The following NEK7 variants were observed in gnomAD, a reference collection of about 807,000 sequenced individuals.
NEK7 encodes the protein NIMA related kinase 7, also known as serine/threonine-protein kinase Nek7.
A neutral mutation model predicts 44.6 loss-of-function variants in NEK7; 18 were observed. That is an observed-to-expected ratio of 0.40 (90% CI 0.28 to 0.60). The LOEUF is 0.60. NEK7 is among the 20% of genes least tolerant of loss of function. NEK7 has a pLI of 0.38. For missense variants in NEK7, 256 were observed against 366.5 expected, an observed-to-expected ratio of 0.70 and a Z score of 2.46; for synonymous variants, 130 against 121.1, an observed-to-expected ratio of 1.07 and a Z score of -0.48.
At chr1:198,217,060 T>C (rs1485102764) in intron 1 of NEK7, among the ~76,000 whole-genome samples, 2 of 152,052 alleles carry the variant, frequency 1.3e-5, no homozygotes. Context: ...CTGAAACTAT[T>C]TCTAAAGATT....
Position 198,238,993 on chromosome 1 carries a change from C to T in NEK7, c.57+6356C>T, listed in dbSNP as rs145362674. 6.3e-3 allele frequency among the ~76,000 whole-genome samples: 957 copies of T among 152,246 alleles called. 19 individuals carry two copies. Among genetic ancestry groups the T allele is most frequent in the African/African-American group, 0.022 (895 of 41,532 alleles). ...CTCATGTTTAGGCATTTTCAGTGTT[C>T]TCTTGATTTTGCCGCTTAAGTAGCT... On this transcript the variant is annotated intron_variant, in intron 2 of 9. Transcript: ENST00000367385.
At chr1:198,301,475 A>G (rs937334182) in intron 9 of NEK7, among the ~76,000 whole-genome samples, 16 of 152,226 alleles carry the variant, frequency 1.1e-4, no homozygotes, top group African/African-American at 2.4e-4. Context: ...GCGTGAACCC[A>G]GGAGGCAGAA....
At chr1:198,315,168 G>A (rs1571625975) in intron 9 of NEK7, among the ~76,000 whole-genome samples, 1 of 152,202 alleles carries the variant, frequency 6.6e-6, no homozygotes, top group African/African-American at 2.4e-5. Context: ...TCGGAAAAGC[G>A]CAGTATTCAG....
At chr1:198,213,973 C>T (rs1002817930) in intron 1 of NEK7, among the ~76,000 whole-genome samples, 1 of 152,026 alleles carries the variant, frequency 6.6e-6, no homozygotes, top group Non-Finnish European at 1.5e-5. Context: ...TTCATGAGAC[C>T]TCTGCTATTC....
chr1:198,184,334 A>G (rs1369623382), intron 1 of NEK7, among the ~76,000 whole-genome samples: 1 of 151,670 alleles, frequency 6.6e-6, no homozygotes, highest in African/African-American at 2.4e-5. Flanking sequence ...TTGAAGGGGT[A>G]GATTTACAGT....
intron 1 of NEK7, among the ~76,000 whole-genome samples, chr1:198,203,004 C>CA (rs1484041768): frequency 6.7e-6 from 1 of 148,298 alleles, no homozygotes. Flanking sequence ...CTAGAATTGA[C>CA]ATATTTGAAT....
chr1:198,310,288 G>A (rs547544088), intron 9 of NEK7, among the ~76,000 whole-genome samples: 3 of 152,098 alleles, frequency 2.0e-5, no homozygotes, highest in African/African-American at 4.8e-5. Flanking sequence ...TTTTGATGGC[G>A]TTGTTTGTTT....
chr1:198,165,448 C>T (rs1664236600), intron 1 of NEK7, among the ~76,000 whole-genome samples: 1 of 152,156 alleles, frequency 6.6e-6, no homozygotes, highest in Non-Finnish European at 1.5e-5. Flanking sequence ...GATGTTGTGT[C>T]AGTAGGCATG....
intron 1 of NEK7, among the ~76,000 whole-genome samples, chr1:198,182,932 G>A (rs1571508288): frequency 6.6e-6 from 1 of 152,118 alleles, no homozygotes. Context: ...CCATAGTATA[G>A]GCCTTCTACA....
intron 1 of NEK7, among the ~76,000 whole-genome samples, chr1:198,208,856 G>A (rs1665676197): frequency 6.6e-6 from 1 of 152,026 alleles, no homozygotes; most frequent in South Asian, 2.1e-4. Flanking sequence ...TGTAAGAAAC[G>A]CCATATAGCC....
At chr1:198,199,358 C>T (rs1466791409) in intron 1 of NEK7, among the ~76,000 whole-genome samples, 2 of 152,228 alleles carry the variant, frequency 1.3e-5, no homozygotes, top group Non-Finnish European at 2.9e-5. Context: ...TGTGAGCCAT[C>T]ACTCCCTGCA....
intron 1 of NEK7, among the ~76,000 whole-genome samples, chr1:198,227,912 C>CT (rs1666275421): frequency 6.6e-6 from 1 of 152,070 alleles, no homozygotes. Flanking sequence ...GTTGCCATTG[C>CT]TTTTGGTGTT....
chr1:198,275,918 A>G (rs114504874), intron 5 of NEK7, among the ~76,000 whole-genome samples: 14 of 151,800 alleles, frequency 9.2e-5, no homozygotes, highest in African/African-American at 3.1e-4. Context: ...ACACACATTA[A>G]AAATAATGAG....
At chr1:198,189,727 C>T (rs1462801127) in intron 1 of NEK7, among the ~76,000 whole-genome samples, 2 of 152,094 alleles carry the variant, frequency 1.3e-5, no homozygotes, top group African/African-American at 4.8e-5. Flanking sequence ...TTCATTCCTT[C>T]TGGGGCTGCT....
intron 1 of NEK7, among the ~76,000 whole-genome samples, chr1:198,184,767 G>A (rs67153943): frequency 0.15 from 22,633 of 152,056 alleles, 1,862 homozygotes; most frequent in East Asian, 0.22. Context: ...CTCCAGGGCT[G>A]AAGTGGTCCT....
chr1:198,311,541 T>G (rs1345778861), intron 9 of NEK7, among the ~76,000 whole-genome samples: 2 of 151,564 alleles, frequency 1.3e-5, no homozygotes. Context: ...TGCTTCCAGT[T>G]TTTGCCCATT....
intron 2 of NEK7, among the ~76,000 whole-genome samples, chr1:198,246,673 T>G (rs1666844576): frequency 6.6e-6 from 1 of 152,252 alleles, no homozygotes; most frequent in South Asian, 2.1e-4. Context: ...CCAAAACACA[T>G]TAGTAAGACT....
chr1:198,181,030 GTTTTCCTAT>G (rs1407655423), intron 1 of NEK7, among the ~76,000 whole-genome samples: 1 of 152,002 alleles, frequency 6.6e-6, no homozygotes, highest in Non-Finnish European at 1.5e-5. Context: ...ATTTTCTATA[GTTTTCCTAT>G]TAACTTTAAA....
chr1:198,229,411 T>G (rs1666321663), intron 1 of NEK7, among the ~76,000 whole-genome samples: 1 of 152,086 alleles, frequency 6.6e-6, no homozygotes, highest in African/African-American at 2.4e-5. Context: ...GGCAAATAAA[T>G]CAAACCCAGA....
Sources: gnomAD v4.1 joint callset for allele counts (sites outside exome capture counted in the v4.1 genomes callset) on GRCh38, gnomAD v4.1.1 for gene constraint, MANE v1.5 for transcripts, NCBI Gene and HGNC (gene_info 2026-07-23, HGNC 2026-07-21) for gene names.